Variants in ST7 observed in about 807,000 individuals in gnomAD.
ST7 encodes suppression of tumorigenicity 7, also known as suppressor of tumorigenicity 7 protein.
A neutral mutation model predicts 78.7 loss-of-function variants in ST7; 28 were observed. The ratio of observed to expected loss-of-function variants is 0.36; its 90% CI spans 0.26 to 0.49. The LOEUF (loss-of-function observed/expected upper bound fraction) is 0.49. ST7 is among the 20% of genes least tolerant of loss of function. ST7 has a pLI of 0.99. For missense variants in ST7, 418 were observed against 696.0 expected (o/e 0.60, Z 4.49); for synonymous variants, 247 against 249.6 (o/e 0.99, Z 0.10).
intron 1 of ST7, among the ~76,000 whole-genome samples, chr7:117,099,549 T>A (rs1801409540): frequency 6.6e-6 from 1 of 152,230 alleles, no homozygotes; most frequent in African/African-American, 2.4e-5. Context: ...TTTTCTTGTA[T>A]GTAGCTTTTT....
intron 12 of ST7, among the ~76,000 whole-genome samples, chr7:117,203,525 G>A (rs907011284): frequency 2.0e-5 from 3 of 152,114 alleles, no homozygotes; most frequent in Admixed American, 1.3e-4. Context: ...TACTTTGCCC[G>A]TTAATGCTGG....
chr7:116,988,822 G>A (rs1462970993), intron 1 of ST7, among the ~76,000 whole-genome samples: 1 of 152,172 alleles, frequency 6.6e-6, no homozygotes, highest in Non-Finnish European at 1.5e-5. Flanking sequence ...CTTCCAAAAT[G>A]CACACTTTTA....
chr7:117,053,478 A>G (rs991598080), intron 1 of ST7, among the ~76,000 whole-genome samples: 1 of 152,132 alleles, frequency 6.6e-6, no homozygotes, highest in African/African-American at 2.4e-5. Flanking sequence ...GTACCTCTGG[A>G]TCTTGCCTTG....
chr7:117,084,133 A>G (rs1799973644), intron 1 of ST7, among the ~76,000 whole-genome samples: 1 of 152,206 alleles, frequency 6.6e-6, no homozygotes, highest in Admixed American at 6.5e-5. Context: ...TCCTAGAAAA[A>G]TGACCTAGGG....
At chr7:117,082,146 T>C (rs1394941199) in intron 1 of ST7, among the ~76,000 whole-genome samples, 1 of 152,184 alleles carries the variant, frequency 6.6e-6, no homozygotes, top group Admixed American at 6.5e-5. Context: ...AGTCAATGGA[T>C]TGTGTATTTT....
intron 1 of ST7, among the ~76,000 whole-genome samples, chr7:117,096,709 A>T (rs370826324): frequency 3.3e-5 from 5 of 152,246 alleles, no homozygotes; most frequent in African/African-American, 1.2e-4. Flanking sequence ...CCTTAAATAC[A>T]TGAATACATA....
intron 3 of ST7, among the ~76,000 whole-genome samples, chr7:117,129,468 A>C (rs1361061137): frequency 6.6e-6 from 1 of 151,894 alleles, no homozygotes; most frequent in African/African-American, 2.4e-5. Context: ...TTTTATCTAT[A>C]AGGTTTTAGA....
chr7:117,208,131 G>A (rs113660595), intron 12 of ST7, among the ~76,000 whole-genome samples: 34 of 152,042 alleles, frequency 2.2e-4, no homozygotes, highest in African/African-American at 5.5e-4. Flanking sequence ...AGTGCAAATT[G>A]GATTGCTGTG....
intron 1 of ST7, among the ~76,000 whole-genome samples, chr7:117,066,182 C>T (rs1465556710): frequency 3.3e-5 from 5 of 152,160 alleles, no homozygotes; most frequent in African/African-American, 1.2e-4. Context: ...CAAGCCCTTC[C>T]AGTGTGCCAA....
chr7:117,169,743 G>GT (rs752434463), intron 9 of ST7, among the ~76,000 whole-genome samples: 5 of 149,130 alleles, frequency 3.4e-5, no homozygotes, highest in Non-Finnish European at 7.4e-5. Context: ...AACCATGGCA[G>GT]TTATAACCTC....
chr7:117,049,657 A>T (rs986096975), intron 1 of ST7, among the ~76,000 whole-genome samples: 1 of 152,242 alleles, frequency 6.6e-6, no homozygotes, highest in Non-Finnish European at 1.5e-5. Context: ...GTCTGCTGGC[A>T]TAGCTGTAGT....
Position 116,953,691 on chromosome 7 carries a change from G to C in ST7, c.151G>C (p.Val51Leu). The change falls in exon 1 of 16, where the codon GTG becomes CTG. Residue 51 changes from valine (V) to leucine (L), a missense_variant and splice_region_variant. Physicochemically the swap from Val to Leu is conservative, Grantham distance 32. Transcript: ENST00000323984. ...PLKINDNLST[V>L]SMFLNTLTPK... ...GAAAATCAACGACAACTTGAGCACA[G>C]GTAAGGCCTGGGAGCCGGGCCCGCG... 6.8e-7 allele frequency: 1 copy of C among 1,472,624 alleles called. No individual in the cohort carries two copies. The allele number at this position is 1,472,624 out of a possible 1,614,324, so 91.2% of individuals were successfully genotyped here.
intron 2 of ST7, among the ~76,000 whole-genome samples, chr7:117,118,735 G>GTGTTC (rs1434621423): frequency 6.6e-6 from 1 of 152,210 alleles, no homozygotes; most frequent in Admixed American, 6.5e-5. Flanking sequence ...GTGGTAGGAA[G>GTGTTC]TGTTCACTGT....
chr7:116,985,278 T>C (rs1585092621), intron 1 of ST7, among the ~76,000 whole-genome samples: 1 of 152,310 alleles, frequency 6.6e-6, no homozygotes, highest in East Asian at 1.9e-4. Flanking sequence ...GAAGAATTAA[T>C]GTGGGTAATA....
intron 9 of ST7, among the ~76,000 whole-genome samples, 194 bp downstream of exon 9, chr7:117,138,726 C>G (rs1805013606): frequency 6.6e-6 from 1 of 152,108 alleles, no homozygotes; most frequent in African/African-American, 2.4e-5. Context: ...TCTCTTTGCC[C>G]TAGTTTCTTC....
At chr7:116,965,147 G>GAGGTCAGA (rs1793038026) in intron 1 of ST7, among the ~76,000 whole-genome samples, 1 of 152,120 alleles carries the variant, frequency 6.6e-6, no homozygotes, top group Non-Finnish European at 1.5e-5. Flanking sequence ...AGACCATCCT[G>GAGGTCAGA]GCTAACACGG....
intron 1 of ST7, among the ~76,000 whole-genome samples, chr7:116,990,724 A>G (rs933017670): frequency 2.0e-5 from 3 of 152,130 alleles, no homozygotes; most frequent in South Asian, 2.1e-4. Context: ...TTCCATACCC[A>G]TCTATATACC....
intron 1 of ST7, among the ~76,000 whole-genome samples, chr7:117,040,374 A>C (rs868640777): frequency 6.6e-6 from 1 of 151,406 alleles, no homozygotes; most frequent in Non-Finnish European, 1.5e-5. Context: ...TTCTGTCTCA[A>C]AAAAAAAAGA....
intron 1 of ST7, among the ~76,000 whole-genome samples, chr7:117,071,343 T>C (rs939978171): frequency 6.6e-6 from 1 of 152,230 alleles, no homozygotes; most frequent in Non-Finnish European, 1.5e-5. Flanking sequence ...CATATCCAAA[T>C]GTCTTAGACA....
Sources: gnomAD v4.1 joint callset for allele counts (sites outside exome capture counted in the v4.1 genomes callset) on GRCh38, gnomAD v4.1.1 for gene constraint, MANE v1.5 for transcripts, NCBI Gene and HGNC (gene_info 2026-07-23, HGNC 2026-07-21) for gene names.